PCDH10: variants seen among roughly 807,000 people sequenced by gnomAD.
PCDH10 encodes the protein protocadherin 10, also known as protocadherin-10.
PCDH10 carries 15 observed loss-of-function variants against 74.4 expected under a neutral mutation model. The ratio of observed to expected loss-of-function variants is 0.20; its 90% CI spans 0.13 to 0.31. The LOEUF is 0.31. Among genes scored for constraint, PCDH10 ranks in the 10% least tolerant of loss-of-function variants. The pLI, the probability that PCDH10 is intolerant of heterozygous loss-of-function variation, is 1.00. For synonymous variants in PCDH10, 619 were observed against 589.8 expected (o/e 1.05, Z -0.72); for missense variants, 1,260 against 1,390.2 (o/e 0.91, Z 1.49).
At chr4:133,189,920 C>T (rs1216564688) in intron 4 of PCDH10, among the ~76,000 whole-genome samples, 1 of 151,906 alleles carries the variant, frequency 6.6e-6, no homozygotes, top group East Asian at 1.9e-4. Flanking sequence ...GTACATTTCC[C>T]ATGCAAAACT....
At chr4:133,155,613 G>A (rs1337611423) in intron 3 of PCDH10, among the ~76,000 whole-genome samples, 4 of 152,284 alleles carry the variant, frequency 2.6e-5, no homozygotes, top group African/African-American at 9.6e-5. Flanking sequence ...GTGATAATGT[G>A]TATTTTTTGA....
At chr4:133,199,938 C>T (rs965052490) in intron 2 of PCDH10, among the ~76,000 whole-genome samples, 2 of 151,278 alleles carry the variant, frequency 1.3e-5, no homozygotes, top group South Asian at 2.1e-4. Context: ...GCTGGGACTA[C>T]AGGTGCACGC....
intron 4 of PCDH10, among the ~76,000 whole-genome samples, chr4:133,174,128 G>C (rs143226933): frequency 6.6e-6 from 1 of 151,954 alleles, no homozygotes; most frequent in Non-Finnish European, 1.5e-5. Context: ...GGCAATCCAT[G>C]GTGGCAGTTA....
intron 4 of PCDH10, among the ~76,000 whole-genome samples, chr4:133,188,648 G>A (rs1009993082): frequency 1.4e-5 from 2 of 146,358 alleles, no homozygotes; most frequent in African/African-American, 5.0e-5. Context: ...GTTGATGATG[G>A]TGCCTGACTG....
chr4:133,205,733 G>A (rs932373041), intron 2 of PCDH10, among the ~76,000 whole-genome samples: 3 of 151,622 alleles, frequency 2.0e-5, no homozygotes, highest in African/African-American at 7.3e-5. Flanking sequence ...ATTTTCTTAT[G>A]TATCTATTCC....
intron 2 of PCDH10, among the ~76,000 whole-genome samples, chr4:133,206,496 A>G (rs1246354689): frequency 6.6e-6 from 1 of 152,158 alleles, no homozygotes; most frequent in Non-Finnish European, 1.5e-5. Context: ...TGTGCTGTCA[A>G]TTACTAAGCC....
chr4:133,151,565 C>A lies in PCDH10; in HGVS notation c.1425C>A (p.Asn475Lys). Residue 475 changes from asparagine to lysine, a missense_variant, in exon 1 of 5, where the codon AAC (asparagine) becomes AAA (lysine). Transcript: ENST00000264360. ...QPVYDVYVTENNVPGAYIYAV... is the reference protein window; with the variant it reads ...QPVYDVYVTEKNVPGAYIYAV... ...TCTACGACGTGTATGTGACTGAAAA[C>A]AACGTGCCTGGCGCCTACATCTACG... 6.2e-7 allele frequency: 1 copy of A among 1,614,132 alleles called. No individual in the cohort carries two copies. Among genetic ancestry groups the A allele is most frequent in the Non-Finnish European group, 8.5e-7 (1 of 1,180,040 alleles).
intron 3 of PCDH10, among the ~76,000 whole-genome samples, chr4:133,162,142 A>T (rs551633098): frequency 6.6e-6 from 1 of 152,090 alleles, no homozygotes; most frequent in Non-Finnish European, 1.5e-5. Flanking sequence ...TAAGCAAACA[A>T]CTCTTTGTTG....
chr4:133,205,799 T>C (rs888081514), intron 2 of PCDH10, among the ~76,000 whole-genome samples: 3 of 152,134 alleles, frequency 2.0e-5, no homozygotes, highest in Non-Finnish European at 4.4e-5. Flanking sequence ...TCTTGAATTC[T>C]AAGAGTTCTT....
intron 4 of PCDH10, among the ~76,000 whole-genome samples, chr4:133,164,893 T>C (rs1327975828): frequency 6.7e-6 from 1 of 150,096 alleles, no homozygotes; most frequent in East Asian, 1.9e-4. Flanking sequence ...ATCAAAAGAA[T>C]GCATCTATTA....
intron 2 of PCDH10, 152 bp from the exon 3 acceptor site, chr4:133,154,765 C>G (rs1726827554): frequency 1.6e-6 from 1 of 610,124 alleles, no homozygotes; most frequent in Admixed American, 2.9e-5. Context: ...AATAGTTAAG[C>G]TTAGGCTATA....
chr4:133,195,712 T>A (rs28718519), downstream of PCDH10, among the ~76,000 whole-genome samples: 6,894 of 152,098 alleles, frequency 0.045, 483 homozygotes, highest in African/African-American at 0.15. Context: ...GACTTATCAG[T>A]GGCCCTAGAT....
downstream of PCDH10, among the ~76,000 whole-genome samples, chr4:133,195,273 C>T (rs990055124): frequency 1.3e-5 from 2 of 151,972 alleles, no homozygotes; most frequent in Non-Finnish European, 2.9e-5. Context: ...GCAAACTGCA[C>T]GTATCTGGAC....
rs566462381 is a variant in PCDH10, at chr4:133,205,187, C to T, written n.438-2889C>T. The stretch of plus-strand genomic sequence containing the variant: ...AGGCTTTTTGAGGCCTTCCTAGTGA[C>T]GCCAACACATAACAATGGGCCTTAA... On this transcript the variant is annotated intron_variant and non_coding_transcript_variant, in intron 2 of 2. Transcript: ENST00000511112. 2.5e-4 allele frequency among the ~76,000 whole-genome samples: 38 copies of T among 152,042 alleles called. 1 individual carries two copies. Among genetic ancestry groups the T allele is most frequent in the East Asian group, 2.3e-3 (12 of 5,182 alleles).
At chr4:133,202,849 C>T (rs1020608983) in intron 2 of PCDH10, among the ~76,000 whole-genome samples, 10 of 152,112 alleles carry the variant, frequency 6.6e-5, no homozygotes, top group Non-Finnish European at 1.3e-4. Context: ...AACATGTTCC[C>T]TCAGTTGTTC....
rs1727688262 is a variant in PCDH10 at position 133,192,069 on chromosome 4, A to G, written c.*1909A>G. Reference sequence around the variant, plus strand: ...TTGACTGTTATCAAATTAGATATTAATATATCATATTCCAATCAGTTCATA... The same window carrying G: ...TTGACTGTTATCAAATTAGATATTAGTATATCATATTCCAATCAGTTCATA... On this transcript the variant is annotated 3_prime_UTR_variant, in exon 5 of 5. Coordinates refer to ENST00000264360, the MANE Select transcript of PCDH10 (RefSeq NM_032961.3). 1 of 151,514 alleles carries G rather than the reference A, an allele frequency of 6.6e-6. No homozygotes were observed. The highest frequency in any genetic ancestry group is 6.6e-5 in the Admixed American group (1 of 15,158). 9.4% of individuals were successfully genotyped at this position (151,514 alleles called of 1,614,324 possible). A position where few individuals can be genotyped will look rare whatever the true frequency, so the allele number is the denominator to read the frequency against.
In PCDH10 at chr4:133,150,131, C is replaced by T. The variant is rs767877004; in HGVS notation, c.-10C>T. The T allele has an allele frequency of 2.0e-6, 3 of 1,497,672 alleles. No homozygotes were observed. The highest frequency in any genetic ancestry group is 1.4e-5 in the South Asian group (1 of 71,528). The allele number at this position is 1,497,672 out of a possible 1,614,324, so 92.8% of individuals were successfully genotyped here. A position where few individuals can be genotyped will look rare whatever the true frequency, so the allele number is the denominator to read the frequency against. Reference sequence around the variant, plus strand: ...CTGGCTGCGGGAAGCTACTTCCTTTCCTTTTGGAGATGATTGTGCTATTAT... The same window carrying T: ...CTGGCTGCGGGAAGCTACTTCCTTTTCTTTTGGAGATGATTGTGCTATTAT... On this transcript the variant is annotated 5_prime_UTR_variant, in exon 1 of 5. Transcript: ENST00000264360.
chr4:133,184,831 C>T (rs1254560278), intron 4 of PCDH10, among the ~76,000 whole-genome samples: 4 of 143,104 alleles, frequency 2.8e-5, no homozygotes, highest in African/African-American at 1.0e-4. Context: ...CACATGAGAA[C>T]TACCTTCTCA....
At chr4:133,197,352 A>C (rs184231182), downstream of PCDH10, among the ~76,000 whole-genome samples, 25 of 152,334 alleles carry the variant, frequency 1.6e-4, no homozygotes, top group African/African-American at 5.8e-4. Flanking sequence ...TCTGCTCAAT[A>C]GAATTGAATT....
Sources: gnomAD v4.1 joint callset for allele counts (sites outside exome capture counted in the v4.1 genomes callset) on GRCh38, gnomAD v4.1.1 for gene constraint, MANE v1.5 for transcripts, NCBI Gene and HGNC (gene_info 2026-07-23, HGNC 2026-07-21) for gene names.